Variants in HAS3 observed in about 807,000 individuals in gnomAD.
HAS3 encodes the protein hyaluronan synthase 3.
HAS3 carries 27 observed loss-of-function variants against 50.3 expected under a neutral mutation model. The observed-to-expected ratio is 0.54, with a 90% CI of 0.40 to 0.74. The LOEUF (loss-of-function observed/expected upper bound fraction) is 0.74, where lower values mean the gene tolerates loss of function less well. Ranked by LOEUF, HAS3 falls within the 30% of genes least tolerant of loss-of-function variation. The pLI is 0.00. For synonymous variants in HAS3, 339 were observed against 310.9 expected, an observed-to-expected ratio of 1.09 and a Z score of -0.95; for missense variants, 517 against 742.8, an observed-to-expected ratio of 0.70 and a Z score of 3.53.
the HAS3 span, among the ~76,000 whole-genome samples, chr16:69,093,304 C>T: frequency 6.6e-6 from 1 of 152,246 alleles, no homozygotes; most frequent in Middle Eastern, 3.4e-3. Context: ...CTCCACCTCC[C>T]GAGTTCAAGC....
chr16:69,114,314 G>A lies in HAS3; in HGVS notation c.739-29G>A. On this transcript the variant is annotated intron_variant, in intron 3 of 3. Transcript: ENST00000569188. This position sits in a 1 kb window ranked among gnomAD's most constrained non-coding sequence, Gnocchi z 6.4. ...TCTGTCCTCCGGACGTGCAACCTTA[G>A]GAGGCCCAGCATCTCTATTCCCTTG... The A allele has an allele frequency of 1.3e-6, 2 of 1,560,388 alleles. No homozygotes were observed. Among genetic ancestry groups the A allele is most frequent in the Non-Finnish European group, 8.6e-7 (1 of 1,157,764 alleles).
chr16:69,085,258 G>C, the HAS3 span: 2 of 152,314 alleles, frequency 1.3e-5, no homozygotes, highest in Non-Finnish European at 2.9e-5. Context: ...AACTTCATTT[G>C]CATTAACCGC....
chr16:69,102,458 C>A (rs1314501458), upstream of HAS3, among the ~76,000 whole-genome samples: 1 of 152,184 alleles, frequency 6.6e-6, no homozygotes, highest in Non-Finnish European at 1.5e-5. Flanking sequence ...GCAAATAGGA[C>A]ACCACAAACT....
chr16:69,116,452 A>ACAAT lies in HAS3; in HGVS notation c.*1189_*1192dup, dbSNP rs1460734620. On this transcript the variant is annotated 3_prime_UTR_variant, in exon 4 of 4. Transcript: ENST00000569188. Reference sequence around the variant, plus strand: ...TGTGACTTTCAGGCTACTGTTCTTGACAATCATCTCCAATGGAAAGCTTTT... The same window carrying ACAAT: ...TGTGACTTTCAGGCTACTGTTCTTGACAATCAATCATCTCCAATGGAAAGCTTTT... The ACAAT allele has an allele frequency of 1.0e-6, 1 of 985,770 alleles. No individual in the cohort carries two copies. Among genetic ancestry groups the ACAAT allele is most frequent in the Non-Finnish European group, 1.2e-6 (1 of 829,948 alleles). The allele number at this position is 985,770 out of a possible 1,614,324, so 61.1% of individuals were successfully genotyped here.
the HAS3 span, chr16:69,083,521 C>T: frequency 6.2e-7 from 1 of 1,612,606 alleles, no homozygotes; most frequent in Non-Finnish European, 8.5e-7. Context: ...CTACCACCTG[C>T]TGAAGCACGT....
At chr16:69,086,773 G>C in the HAS3 span, among the ~76,000 whole-genome samples, 3 of 152,012 alleles carry the variant, frequency 2.0e-5, no homozygotes, top group Non-Finnish European at 2.9e-5. Flanking sequence ...GTGTGGTGGC[G>C]CATGCCTGTA....
chr16:69,094,113 A>T, the HAS3 span, among the ~76,000 whole-genome samples: 1 of 152,212 alleles, frequency 6.6e-6, no homozygotes. Flanking sequence ...GCCGGAGCAC[A>T]GGAGCACCTC....
chr16:69,101,152 A>T (rs1960692920), upstream of HAS3, among the ~76,000 whole-genome samples: 1 of 151,926 alleles, frequency 6.6e-6, no homozygotes. Flanking sequence ...ATTCCCCATA[A>T]CCTACTGGAT....
At chr16:69,112,812 A>G (rs1410187653) in intron 2 of HAS3, among the ~76,000 whole-genome samples, 1 of 152,236 alleles carries the variant, frequency 6.6e-6, no homozygotes, top group Non-Finnish European at 1.5e-5. Context: ...GCCTGGAGGC[A>G]GCTGCTGCAG....
At position 69,109,395 on chromosome 16, in the gene HAS3, G is replaced by T; in HGVS notation, c.1-1G>T. ...CTTCATCTCCTGCCTTCTCTCGCCA[G>T]ATGCCGGTGCAGCTGACGACAGCCC... On this transcript the variant is annotated splice_acceptor_variant, in intron 1 of 3. Transcript: ENST00000569188. LOFTEE classifies it low-confidence loss of function (5UTR_SPLICE). The surrounding 1 kb of genome is among the most constrained non-coding windows in gnomAD (Gnocchi z 5.3). 6.3e-7 allele frequency: 1 copy of T among 1,598,716 alleles called. No individual in the cohort carries two copies. The highest frequency in any genetic ancestry group is 8.5e-7 in the Non-Finnish European group (1 of 1,174,108).
chr16:69,101,740 T>C (rs534186344), upstream of HAS3, among the ~76,000 whole-genome samples: 32 of 152,088 alleles, frequency 2.1e-4, no homozygotes, highest in Non-Finnish European at 4.0e-4. Flanking sequence ...TTGGATTCTC[T>C]CATCAATATT....
the HAS3 span, among the ~76,000 whole-genome samples, chr16:69,095,468 C>T: frequency 2.0e-5 from 3 of 152,086 alleles, no homozygotes; most frequent in East Asian, 5.8e-4. Flanking sequence ...GGAGAACCCT[C>T]GGGCTGTGTT....
chr16:69,112,597 G>A (rs1422499642), intron 2 of HAS3, among the ~76,000 whole-genome samples: 2 of 152,186 alleles, frequency 1.3e-5, no homozygotes, highest in Non-Finnish European at 2.9e-5. Flanking sequence ...TCCTAACAGT[G>A]ACCACAGAGT....
At position 69,114,903 on chromosome 16, in the gene HAS3, T is replaced by C; in HGVS notation, c.1299T>C (p.Asn433=). 6.2e-7 allele frequency: 1 copy of C among 1,614,106 alleles called. No homozygotes were observed. Residue 433 remains asparagine, a synonymous_variant, in exon 4 of 4, where the codon AAT becomes AAC. Coordinates refer to ENST00000569188, the MANE Select transcript of HAS3 (RefSeq NM_001199280.2). The surrounding 1 kb of genome is among the most constrained non-coding windows in gnomAD (Gnocchi z 6.4). The part of the protein sequence containing the change: ...KATYACFLRG[N]AEMIFMSLYS... Reference sequence around the variant, plus strand: ...CCTACGCCTGCTTCCTTCGGGGCAATGCAGAGATGATCTTCATGTCCCTCT... The same window carrying C: ...CCTACGCCTGCTTCCTTCGGGGCAACGCAGAGATGATCTTCATGTCCCTCT...
chr16:69,100,657 G>A (rs1597088905), upstream of HAS3, among the ~76,000 whole-genome samples: 1 of 152,330 alleles, frequency 6.6e-6, no homozygotes, highest in East Asian at 1.9e-4. Context: ...GGACGATGGA[G>A]CACCTGGGTC....
rs1275552344 is a variant in HAS3 at position 69,115,470 on chromosome 16, C to T, written c.*204C>T. On this transcript the variant is annotated 3_prime_UTR_variant, in exon 4 of 4. Transcript: ENST00000569188. Reference sequence around the variant, plus strand: ...GGAGGCAACACTGATCCCCCAGATGCAGGGCTGCAGGGGATTCTGTGTTTT... The same window carrying T: ...GGAGGCAACACTGATCCCCCAGATGTAGGGCTGCAGGGGATTCTGTGTTTT... The T allele has an allele frequency of 7.8e-7, 1 of 1,274,792 alleles. No individual in the cohort carries two copies. Among genetic ancestry groups the T allele is most frequent in the Non-Finnish European group, 9.9e-7 (1 of 1,013,642 alleles). 79.0% of individuals were successfully genotyped at this position (1,274,792 alleles called of 1,614,324 possible). A position where few individuals can be genotyped will look rare whatever the true frequency, so the allele number is the denominator to read the frequency against.
chr16:69,110,018 T>A lies in HAS3; in HGVS notation c.623T>A (p.Val208Glu), dbSNP rs754085372. 1 of 1,606,638 alleles carries A rather than the reference T, an allele frequency of 6.2e-7. No individual in the cohort carries two copies. Among genetic ancestry groups the A allele is most frequent in the Non-Finnish European group, 8.5e-7 (1 of 1,174,476 alleles). ...GCCTTCAAGGCCCTCGGCGATTCGG[T>A]GGACTACATCCAGGTAAGGGCGCCT... is the stretch of plus-strand genomic sequence containing the variant. ...YTAFKALGDS[V>E]DYIQVCDSDT... Residue 208 changes from valine to glutamate, a missense_variant, in exon 2 of 4, where the codon GTG (valine) becomes GAG (glutamate). By Grantham distance (121) the Val-to-Glu change is moderately radical (BLOSUM62 -2). Coordinates refer to ENST00000569188, the MANE Select transcript of HAS3 (RefSeq NM_001199280.2).
chr16:69,116,448 C>G lies in HAS3; in HGVS notation c.*1182C>G. 7.1e-6 allele frequency: 7 copies of G among 985,868 alleles called. No individual in the cohort carries two copies. The highest frequency in any genetic ancestry group is 8.4e-6 in the Non-Finnish European group (7 of 829,916). 61.1% of individuals were successfully genotyped at this position (985,868 alleles called of 1,614,324 possible). A position where few individuals can be genotyped will look rare whatever the true frequency, so the allele number is the denominator to read the frequency against. On this transcript the variant is annotated 3_prime_UTR_variant, in exon 4 of 4. Coordinates refer to ENST00000569188, the MANE Select transcript of HAS3 (RefSeq NM_001199280.2). ...CATGTGTGACTTTCAGGCTACTGTTCTTGACAATCATCTCCAATGGAAAGC... is the reference window on the plus strand; with the variant it reads ...CATGTGTGACTTTCAGGCTACTGTTGTTGACAATCATCTCCAATGGAAAGC...
the HAS3 span, among the ~76,000 whole-genome samples, chr16:69,096,234 A>G: frequency 2.0e-5 from 3 of 147,336 alleles, no homozygotes; most frequent in Non-Finnish European, 4.5e-5. Flanking sequence ...AAAAAAAAAA[A>G]AGAATTGTGG....
Sources: allele counts gnomAD v4.1 joint callset (sites outside exome capture counted in the v4.1 genomes callset), GRCh38; gene constraint gnomAD v4.1.1; non-coding constraint Gnocchi (gnomAD v3.1); transcripts MANE v1.5; gene names NCBI Gene and HGNC (gene_info 2026-07-23, HGNC 2026-07-21).